PGS1: variants seen among roughly 807,000 people sequenced by gnomAD.
PGS1 encodes the protein phosphatidylglycerophosphate synthase 1, also known as CDP-diacylglycerol--glycerol-3-phosphate 3-phosphatidyltransferase, mitochondrial.
A neutral mutation model predicts 58.3 loss-of-function variants in PGS1; 44 were observed. The observed-to-expected ratio is 0.75, with a 90% CI of 0.59 to 0.97. The LOEUF is 0.97. Ranked by LOEUF, PGS1 falls within the 50% of genes least tolerant of loss-of-function variation. PGS1 has a pLI of 0.00. For synonymous variants in PGS1, 330 were observed against 311.0 expected, an observed-to-expected ratio of 1.06 and a Z score of -0.64; for missense variants, 684 against 731.1, an observed-to-expected ratio of 0.94 and a Z score of 0.74.
chr17:78,396,248 G>C, intron 2 of PGS1, 60 bp from the exon 3 acceptor site: 8 of 1,316,758 alleles, frequency 6.1e-6, no homozygotes, highest in Non-Finnish European at 8.8e-6. Context: ...AAAGGGTTCT[G>C]TTTTCTTAGT....
intron 1 of PGS1, among the ~76,000 whole-genome samples, chr17:78,388,766 A>C (rs544794856): frequency 4.6e-5 from 7 of 152,294 alleles, no homozygotes; most frequent in Admixed American, 2.6e-4. Flanking sequence ...GAACCTTCCC[A>C]GTAGCCCAGG....
At position 78,424,296 on chromosome 17, in the gene PGS1, G is replaced by A. The variant is rs1598425573; in HGVS notation, c.*246G>A. 5 of 1,026,412 alleles carry A rather than the reference G, an allele frequency of 4.9e-6. No homozygotes were observed. Among genetic ancestry groups the A allele is most frequent in the Middle Eastern group, 3.3e-4 (1 of 3,046 alleles). The allele number at this position is 1,026,412 out of a possible 1,614,324, so 63.6% of individuals were successfully genotyped here. On this transcript the variant is annotated 3_prime_UTR_variant, in exon 10 of 10. Transcript: ENST00000262764. ...AGGCTTCAGGCCAGCTGCCACGGCT[G>A]GAAGCAGAGGCCTTCGTAGGTGATG... is the stretch of plus-strand genomic sequence containing the variant.
In PGS1 at chr17:78,386,174, G is replaced by A. The variant is rs375700360; in HGVS notation, c.144-6302G>A. Among the ~76,000 whole-genome samples the A allele has an allele frequency of 1.4e-3, 211 of 152,296 alleles. 2 individuals carry two copies. Among genetic ancestry groups the A allele is most frequent in the African/African-American group, 4.7e-3 (194 of 41,568 alleles). Reference sequence around the variant, plus strand: ...GGGGTGGTGGCTGGAGCCGGGCCACGGGCTGGTCCTCTGAGAAGATGCTGG... The same window carrying A: ...GGGGTGGTGGCTGGAGCCGGGCCACAGGCTGGTCCTCTGAGAAGATGCTGG... On this transcript the variant is annotated intron_variant, in intron 1 of 9. Transcript: ENST00000262764.
Position 78,400,645 on chromosome 17 carries a change from G to A in PGS1, c.702-32G>A. 3.7e-6 allele frequency: 6 copies of A among 1,607,616 alleles called. No individual in the cohort carries two copies. Among genetic ancestry groups the A allele is most frequent in the East Asian group, 2.2e-5 (1 of 44,726 alleles). Reference sequence around the variant, plus strand: ...CACGCTGCTGCATACCCTTGCCTGAGTCCTCCTCACCTGCATCTTCCCTCC... The same window carrying A: ...CACGCTGCTGCATACCCTTGCCTGAATCCTCCTCACCTGCATCTTCCCTCC... On this transcript the variant is annotated intron_variant, in intron 5 of 9. Transcript: ENST00000262764. This position sits in a 1 kb window ranked among gnomAD's most constrained non-coding sequence, Gnocchi z 4.4.
intron 9 of PGS1, among the ~76,000 whole-genome samples, chr17:78,422,245 G>T (rs1442854322): frequency 2.6e-5 from 4 of 152,090 alleles, no homozygotes; most frequent in Non-Finnish European, 5.9e-5. Flanking sequence ...CAGCCAGGCT[G>T]GGGGAGGCTG....
At position 78,424,287 on chromosome 17, in the gene PGS1, G is replaced by T; in HGVS notation, c.*237G>T. 1 of 1,185,194 alleles carries T rather than the reference G, an allele frequency of 8.4e-7. No homozygotes were observed. Among genetic ancestry groups the T allele is most frequent in the Non-Finnish European group, 1.1e-6 (1 of 870,484 alleles). 73.4% of individuals were successfully genotyped at this position (1,185,194 alleles called of 1,614,324 possible). A position where few individuals can be genotyped will look rare whatever the true frequency, so the allele number is the denominator to read the frequency against. On this transcript the variant is annotated 3_prime_UTR_variant, in exon 10 of 10. Coordinates refer to ENST00000262764, the MANE Select transcript of PGS1 (RefSeq NM_024419.5). ...TACCCCAAAAGGCTTCAGGCCAGCT[G>T]CCACGGCTGGAAGCAGAGGCCTTCG...
At chr17:78,403,387 A>G (rs2083851205) in intron 6 of PGS1, among the ~76,000 whole-genome samples, 181 bp from the exon 7 acceptor site, 1 of 152,168 alleles carries the variant, frequency 6.6e-6, no homozygotes, top group South Asian at 2.1e-4. Context: ...TGTCTTGGGC[A>G]AACTATATCC....
intron 3 of PGS1, 146 bp downstream of exon 3, chr17:78,396,531 G>A (rs2083240204): frequency 3.2e-6 from 2 of 632,774 alleles, no homozygotes; most frequent in East Asian, 5.4e-5. Context: ...CCCCAGATAT[G>A]GGCATGTCAG....
chr17:78,383,521 C>T (rs773097393), intron 1 of PGS1, among the ~76,000 whole-genome samples: 7 of 152,298 alleles, frequency 4.6e-5, no homozygotes, highest in African/African-American at 1.2e-4. Context: ...CCACCGTGCC[C>T]GGCCTAGACT....
intron 1 of PGS1, among the ~76,000 whole-genome samples, chr17:78,387,008 G>A (rs62075736): frequency 0.057 from 7,065 of 123,622 alleles, 461 homozygotes; most frequent in African/African-American, 0.17. Flanking sequence ...GATGATGATG[G>A]TGATGATGAT....
chr17:78,384,414 A>G (rs535907116), intron 1 of PGS1, among the ~76,000 whole-genome samples: 3 of 152,274 alleles, frequency 2.0e-5, no homozygotes, highest in South Asian at 2.1e-4. Context: ...TTTTCTCATC[A>G]GTTCACTTTT....
chr17:78,388,499 A>C (rs549547576), intron 1 of PGS1, among the ~76,000 whole-genome samples: 8 of 143,290 alleles, frequency 5.6e-5, no homozygotes, highest in Non-Finnish European at 7.5e-5. Context: ...ACGCCTGGCT[A>C]ATTTTTTTTT....
rs911334296 is a variant in PGS1 at position 78,378,723 on chromosome 17, C to A, written c.58C>A (p.Leu20Ile). The change falls in exon 1 of 10, where the codon CTC (leucine) becomes ATC (isoleucine). Residue 20 changes from leucine to isoleucine, a missense_variant. By Grantham distance (5) the Leu-to-Ile change is conservative. Transcript: ENST00000262764. ...CGTGTTCTGGAGGCGACTGCTGGGC[C>A]TCCTGCCTGGCCGCCCAGGGCTGGC... is the stretch of plus-strand genomic sequence containing the variant. ...GPVFWRRLLG[L>I]LPGRPGLAAL... 1 of 1,517,326 alleles carries A rather than the reference C, an allele frequency of 6.6e-7. No homozygotes were observed. Among genetic ancestry groups the A allele is most frequent in the Non-Finnish European group, 8.8e-7 (1 of 1,139,018 alleles). The allele number at this position is 1,517,326 out of a possible 1,614,324, so 94.0% of individuals were successfully genotyped here.
chr17:78,424,023 A>G, intron 9 of PGS1, 38 bp from the exon 10 acceptor site: 2 of 1,614,042 alleles, frequency 1.2e-6, no homozygotes, highest in African/African-American at 1.3e-5. Flanking sequence ...TGTACACGGG[A>G]CACTCATAGA....
chr17:78,400,850 A>T lies in PGS1; in HGVS notation c.875A>T (p.Tyr292Phe). The T allele has an allele frequency of 6.3e-7, 1 of 1,599,892 alleles. No homozygotes were observed. The highest frequency in any genetic ancestry group is 1.1e-5 in the South Asian group (1 of 89,340). The change falls in exon 6 of 10, where the codon TAC becomes TTC. Residue 292 changes from tyrosine (Y) to phenylalanine (F), a missense_variant. By Grantham distance (22) the Tyr-to-Phe change is conservative (BLOSUM62 3). Transcript: ENST00000262764. This position sits in a 1 kb window ranked among gnomAD's most constrained non-coding sequence, Gnocchi z 4.4. ...VQVVDGMVHP[Y>F]KGDRAEYCKA... is the part of the protein sequence containing the mutation. ...GTGGTGGATGGGATGGTGCATCCTT[A>T]CAAAGGTAGGGGCTGCCGCTGACAC...
At chr17:78,420,001 G>C in intron 9 of PGS1, 1 of 1,154,434 alleles carries the variant, frequency 8.7e-7, no homozygotes, top group Non-Finnish European at 1.1e-6. Context: ...AGGGCTCAGG[G>C]ATGAGGGGGC....
At chr17:78,389,970 A>T (rs933007190) in intron 1 of PGS1, among the ~76,000 whole-genome samples, 1 of 152,206 alleles carries the variant, frequency 6.6e-6, no homozygotes, top group Non-Finnish European at 1.5e-5. Flanking sequence ...GACCTGGAGC[A>T]GTACAGCGGC....
chr17:78,396,278 T>C lies in PGS1; in HGVS notation c.334-30T>C, dbSNP rs753156344. The C allele has an allele frequency of 7.8e-5, 121 of 1,559,992 alleles. 1 individual carries two copies. The highest frequency in any genetic ancestry group is 1.0e-4 in the Non-Finnish European group (115 of 1,131,014). ...CTTAGTGAACCATGAAAATGATGAA[T>C]TTGAATTTTGAATTTTTCTCCTCTC... On this transcript the variant is annotated intron_variant, in intron 2 of 9. Coordinates refer to ENST00000262764, the MANE Select transcript of PGS1 (RefSeq NM_024419.5).
chr17:78,378,823 C>G lies in PGS1; in HGVS notation c.143+15C>G. On this transcript the variant is annotated intron_variant, in intron 1 of 9. Coordinates refer to ENST00000262764, the MANE Select transcript of PGS1 (RefSeq NM_024419.5). Reference sequence around the variant, plus strand: ...CAGCGCAGGAGGTGAGAGGGGCGGCCGGGATGAGAGTGCAGCCCTCGCGGC... The same window carrying G: ...CAGCGCAGGAGGTGAGAGGGGCGGCGGGGATGAGAGTGCAGCCCTCGCGGC... 2.1e-6 allele frequency: 3 copies of G among 1,433,468 alleles called. No homozygotes were observed. The highest frequency in any genetic ancestry group is 2.7e-6 in the Non-Finnish European group (3 of 1,101,650). The allele number at this position is 1,433,468 out of a possible 1,614,324, so 88.8% of individuals were successfully genotyped here.
Sources: allele counts gnomAD v4.1 joint callset (sites outside exome capture counted in the v4.1 genomes callset), GRCh38; gene constraint gnomAD v4.1.1; non-coding constraint Gnocchi (gnomAD v3.1); transcripts MANE v1.5; gene names NCBI Gene and HGNC (gene_info 2026-07-23, HGNC 2026-07-21).